Variants in CNTN5 observed in about 807,000 individuals in gnomAD.
CNTN5 encodes contactin 5, also known as contactin-5.
In CNTN5, 77 loss-of-function variants were observed where a neutral mutation model predicts 129.1. That is an observed-to-expected ratio of 0.60 (90% CI 0.50 to 0.72). The LOEUF (loss-of-function observed/expected upper bound fraction) is 0.72, where lower values mean the gene tolerates loss of function less well. Among genes scored for constraint, CNTN5 ranks in the 30% least tolerant of loss-of-function variants. The probability of loss-of-function intolerance (pLI) is 0.00; values close to 1 mark genes in which losing one functional copy is unlikely to be tolerated. For missense variants in CNTN5, 1,478 were observed against 1,328.8 expected, an observed-to-expected ratio of 1.11 and a Z score of -1.75; for synonymous variants, 509 against 465.6, an observed-to-expected ratio of 1.09 and a Z score of -1.20.
intron 1 of CNTN5, among the ~76,000 whole-genome samples, chr11:99,248,314 T>C (rs1391255917): frequency 6.6e-6 from 1 of 152,118 alleles, no homozygotes; most frequent in Non-Finnish European, 1.5e-5. Context: ...GGGTTGTTTG[T>C]TTTTTTCTTG....
intron 3 of CNTN5, among the ~76,000 whole-genome samples, chr11:99,655,001 G>A (rs1952298249): frequency 6.6e-6 from 1 of 152,012 alleles, no homozygotes; most frequent in Admixed American, 6.6e-5. Context: ...GGAATGGGCT[G>A]CAGTGTGAAG....
At chr11:100,328,917 A>G (rs1951843992) in intron 21 of CNTN5, among the ~76,000 whole-genome samples, 2 of 152,202 alleles carry the variant, frequency 1.3e-5, no homozygotes, top group Non-Finnish European at 2.9e-5. Flanking sequence ...AGGAAAGCCA[A>G]GAGAATCCAC....
At chr11:99,479,878 A>ATT (rs143970216) in intron 2 of CNTN5, among the ~76,000 whole-genome samples, 25 of 151,028 alleles carry the variant, frequency 1.7e-4, no homozygotes, top group Admixed American at 4.0e-4. Flanking sequence ...ACAGCTGTTT[A>ATT]TTTTTTTTTG....
At chr11:99,113,219 T>C (rs1857884552) in intron 1 of CNTN5, among the ~76,000 whole-genome samples, 1 of 152,140 alleles carries the variant, frequency 6.6e-6, no homozygotes, top group African/African-American at 2.4e-5. Context: ...TGTTACATTA[T>C]ATTCCCTCTT....
At chr11:100,009,340 A>G (rs538643028) in intron 9 of CNTN5, among the ~76,000 whole-genome samples, 6 of 152,190 alleles carry the variant, frequency 3.9e-5, no homozygotes, top group Non-Finnish European at 7.4e-5. Context: ...GTGACATGCT[A>G]TATCATGCTA....
intron 6 of CNTN5, among the ~76,000 whole-genome samples, chr11:99,891,890 C>CTT: frequency 6.6e-6 from 1 of 152,074 alleles, no homozygotes; most frequent in Non-Finnish European, 1.5e-5. Flanking sequence ...GTTCTAGATC[C>CTT]TTGAGGAATC....
At chr11:99,088,186 C>CT in intron 1 of CNTN5, among the ~76,000 whole-genome samples, 1 of 152,120 alleles carries the variant, frequency 6.6e-6, no homozygotes, top group Non-Finnish European at 1.5e-5. Context: ...AGGTCAGTGT[C>CT]TTTTTTCTAT....
At chr11:100,270,600 A>C (rs1173565883) in intron 17 of CNTN5, among the ~76,000 whole-genome samples, 2 of 152,244 alleles carry the variant, frequency 1.3e-5, no homozygotes, top group Admixed American at 6.5e-5. Flanking sequence ...TAGTACAAAA[A>C]TCACTCTAAG....
chr11:99,238,181 T>G (rs920456453), intron 1 of CNTN5, among the ~76,000 whole-genome samples: 31 of 152,164 alleles, frequency 2.0e-4, no homozygotes, highest in African/African-American at 7.2e-4. Flanking sequence ...AGTAGAATAA[T>G]GCACATGGGG....
At chr11:99,329,457 T>C (rs1482109876) in intron 2 of CNTN5, among the ~76,000 whole-genome samples, 1 of 152,174 alleles carries the variant, frequency 6.6e-6, no homozygotes, top group South Asian at 2.1e-4. Context: ...AAAATTTCCA[T>C]CCACCTCTGC....
intron 1 of CNTN5, among the ~76,000 whole-genome samples, chr11:99,246,937 G>T (rs552626644): frequency 6.6e-6 from 1 of 152,192 alleles, no homozygotes. Flanking sequence ...TATAATTTTT[G>T]ATTTGCAACC....
intron 2 of CNTN5, among the ~76,000 whole-genome samples, chr11:99,337,113 G>T (rs539367298): frequency 6.6e-6 from 1 of 152,078 alleles, no homozygotes; most frequent in Non-Finnish European, 1.5e-5. Flanking sequence ...GGGACAGTCC[G>T]TTCAATTTTT....
chr11:100,265,075 G>A (rs6590690), intron 17 of CNTN5, among the ~76,000 whole-genome samples: 23,565 of 151,846 alleles, frequency 0.16, 2,837 homozygotes, highest in African/African-American at 0.34. Context: ...ACTTTTTGAT[G>A]GTGATATTTT....
chr11:99,313,615 A>C (rs114022041), intron 1 of CNTN5, among the ~76,000 whole-genome samples: 1 of 152,168 alleles, frequency 6.6e-6, no homozygotes, highest in African/African-American at 2.4e-5. Context: ...GAAATAAAAT[A>C]TACTTCTTTA....
intron 3 of CNTN5, among the ~76,000 whole-genome samples, chr11:99,637,969 G>A (rs1190633841): frequency 2.6e-5 from 4 of 152,106 alleles, no homozygotes; most frequent in African/African-American, 7.2e-5. Flanking sequence ...TTATAGTCAT[G>A]CATCTCATAA....
intron 9 of CNTN5, among the ~76,000 whole-genome samples, chr11:100,042,829 A>G (rs1318989867): frequency 6.6e-6 from 1 of 152,216 alleles, no homozygotes; most frequent in Non-Finnish European, 1.5e-5. Flanking sequence ...GAATAGCATC[A>G]TCCTCGGTAT....
At chr11:99,178,806 T>G (rs1442956665) in intron 1 of CNTN5, among the ~76,000 whole-genome samples, 1 of 152,022 alleles carries the variant, frequency 6.6e-6, no homozygotes, top group Non-Finnish European at 1.5e-5. Context: ...ATATAATTAT[T>G]TAATGTAAAT....
chr11:99,831,629 C>A (rs866242320), intron 4 of CNTN5, among the ~76,000 whole-genome samples: 1 of 151,750 alleles, frequency 6.6e-6, no homozygotes, highest in Non-Finnish European at 1.5e-5. Flanking sequence ...TTTTTTGGTG[C>A]AAATTTGGCT....
At chr11:100,299,104 G>T in intron 19 of CNTN5, 58 bp from the exon 20 acceptor site, 6 of 1,158,582 alleles carry the variant, frequency 5.2e-6, no homozygotes, top group Non-Finnish European at 7.3e-6. Flanking sequence ...AGAATTTGGA[G>T]AAAGTGGATT....
Sources: gnomAD v4.1 joint callset for allele counts (sites outside exome capture counted in the v4.1 genomes callset) on GRCh38, gnomAD v4.1.1 for gene constraint, MANE v1.5 for transcripts, NCBI Gene and HGNC (gene_info 2026-07-23, HGNC 2026-07-21) for gene names.